The following MARCHF7 variants were observed in gnomAD, a reference collection of about 807,000 sequenced individuals.
MARCHF7 encodes E3 ubiquitin-protein ligase MARCHF7.
A neutral mutation model predicts 76.5 loss-of-function variants in MARCHF7; 20 were observed. That is an observed-to-expected ratio of 0.26 (90% CI 0.18 to 0.38). The LOEUF is 0.38. Ranked by LOEUF, MARCHF7 falls within the 10% of genes least tolerant of loss-of-function variation. MARCHF7 has a pLI of 1.00. For missense variants in MARCHF7, 797 were observed against 812.9 expected, an observed-to-expected ratio of 0.98 and a Z score of 0.24; for synonymous variants, 295 against 293.0, an observed-to-expected ratio of 1.01 and a Z score of -0.07.
At chr2:159,761,053 G>T (rs1319384926) in intron 9 of MARCHF7, among the ~76,000 whole-genome samples, 1 of 147,514 alleles carries the variant, frequency 6.8e-6, no homozygotes, top group Non-Finnish European at 1.5e-5. Context: ...TTGAGATGGA[G>T]CCTTCCTTGT....
Position 159,769,380 on chromosome 2 carries a change from C to G in MARCHF7, c.*2038C>G, listed in dbSNP as rs1180696402. On this transcript the variant is annotated 3_prime_UTR_variant, in exon 12 of 12. Coordinates refer to ENST00000409175, the MANE Select transcript of MARCHF7 (RefSeq NM_001282805.2). The stretch of plus-strand genomic sequence containing the variant: ...AATGTAGGCCAAGTGTGGTGGCTCA[C>G]GCATGTAATCCCAGCACTTTGGGAG... 1 of 152,174 alleles carries G rather than the reference C, an allele frequency of 6.6e-6. No homozygotes were observed. The highest frequency in any genetic ancestry group is 2.4e-5 in the African/African-American group (1 of 41,408). The allele number at this position is 152,174 out of a possible 1,614,324, so 9.4% of individuals were successfully genotyped here. A position where few individuals can be genotyped will look rare whatever the true frequency, so the allele number is the denominator to read the frequency against.
chr2:159,752,393 C>G lies in MARCHF7; in HGVS notation c.1614-9C>G. 1 of 1,565,436 alleles carries G rather than the reference C, an allele frequency of 6.4e-7. No individual in the cohort carries two copies. The highest frequency in any genetic ancestry group is 8.6e-7 in the Non-Finnish European group (1 of 1,157,360). On this transcript the variant is annotated splice_polypyrimidine_tract_variant and intron_variant, in intron 7 of 11. Transcript: ENST00000409175. The stretch of plus-strand genomic sequence containing the variant: ...ATGATAGCTTTGGGAAATGTGCCTT[C>G]TTTTCCAGCCTCCTTTTAGAGGACT...
intron 8 of MARCHF7, among the ~76,000 whole-genome samples, chr2:159,753,747 G>T (rs1364856605): frequency 6.6e-6 from 1 of 152,186 alleles, no homozygotes; most frequent in Non-Finnish European, 1.5e-5. Flanking sequence ...GACGAACCAG[G>T]AGTCTATTAT....
At chr2:159,714,236 G>C (rs1700751350) in intron 1 of MARCHF7, among the ~76,000 whole-genome samples, 1 of 152,166 alleles carries the variant, frequency 6.6e-6, no homozygotes, top group Non-Finnish European at 1.5e-5. Flanking sequence ...TGCAAAATCT[G>C]TCAAATATCT....
intron 3 of MARCHF7, among the ~76,000 whole-genome samples, chr2:159,721,141 A>G (rs1701600152): frequency 1.3e-5 from 2 of 151,994 alleles, no homozygotes; most frequent in South Asian, 4.1e-4. Context: ...CTGGTATTAC[A>G]GGCATGAGCC....
At chr2:159,737,350 A>C (rs567729480) in intron 4 of MARCHF7, among the ~76,000 whole-genome samples, 3 of 152,352 alleles carry the variant, frequency 2.0e-5, no homozygotes, top group African/African-American at 7.2e-5. Context: ...CCCAATTTCA[A>C]ATGGGCAAAG....
At chr2:159,713,568 A>T (rs538822250) in intron 1 of MARCHF7, among the ~76,000 whole-genome samples, 1 of 152,328 alleles carries the variant, frequency 6.6e-6, no homozygotes, top group East Asian at 1.9e-4. Flanking sequence ...CAGAACCAAG[A>T]TGTAGGATTA....
chr2:159,746,021 G>GC, intron 6 of MARCHF7, 84 bp downstream of exon 6: 2 of 1,055,746 alleles, frequency 1.9e-6, no homozygotes, highest in South Asian at 3.1e-5. Context: ...CAGTACAAAG[G>GC]AGTAAAGTGT....
chr2:159,729,678 A>AC (rs533751049), intron 4 of MARCHF7, among the ~76,000 whole-genome samples: 23 of 152,086 alleles, frequency 1.5e-4, no homozygotes, highest in African/African-American at 5.1e-4. Flanking sequence ...ATCTCAAAAA[A>AC]AAAAAAATGC....
rs570287737 is a variant in MARCHF7, at chr2:159,745,598, G to A, written c.347-172G>A. On this transcript the variant is annotated intron_variant, in intron 5 of 11. Transcript: ENST00000409175. ...TTGAACCCAGAAGGTGGAGGTTGCTGTGAGCTGAGATCGTGCCACTACACT... is the reference window on the plus strand; with the variant it reads ...TTGAACCCAGAAGGTGGAGGTTGCTATGAGCTGAGATCGTGCCACTACACT... Among the ~76,000 whole-genome samples, 13 of 152,324 alleles carry A rather than the reference G, an allele frequency of 8.5e-5. No individual in the cohort carries two copies. The South Asian group carries it at 2.3e-3, about 27-fold the overall frequency.
chr2:159,717,454 A>G (rs1330034028), intron 3 of MARCHF7, among the ~76,000 whole-genome samples: 1 of 152,178 alleles, frequency 6.6e-6, no homozygotes, highest in Non-Finnish European at 1.5e-5. Flanking sequence ...TGAAGACTTG[A>G]TTGGTACATG....
intron 9 of MARCHF7, 151 bp downstream of exon 9, chr2:159,759,486 G>A: frequency 2.5e-6 from 1 of 396,352 alleles, no homozygotes; most frequent in African/African-American, 2.1e-5. Flanking sequence ...TACTGCATTA[G>A]GTGTTAGAAT....
intron 3 of MARCHF7, among the ~76,000 whole-genome samples, chr2:159,721,117 G>A (rs1344440471): frequency 1.3e-5 from 2 of 150,850 alleles, no homozygotes; most frequent in Non-Finnish European, 2.9e-5. Context: ...CACCCTCCTC[G>A]GCTTTCCAAG....
intron 6 of MARCHF7, among the ~76,000 whole-genome samples, chr2:159,746,598 A>T (rs1004865702): frequency 6.6e-6 from 1 of 152,166 alleles, no homozygotes; most frequent in Non-Finnish European, 1.5e-5. Flanking sequence ...ACTGGGTTTC[A>T]CCATGTTGGC....
intron 4 of MARCHF7, among the ~76,000 whole-genome samples, chr2:159,731,065 GT>G (rs1702729562): frequency 6.6e-6 from 1 of 151,966 alleles, no homozygotes; most frequent in Non-Finnish European, 1.5e-5. Context: ...GCTAATTTTT[GT>G]GTTTTTTTGA....
rs1553788977 is a variant in MARCHF7 at position 159,767,485 on chromosome 2, G to GTA, written c.*153_*154dup. ...AATATATACATACACATGTATGCCT[G>GTA]TATATATATATTCATTCTCCAGTGT... On this transcript the variant is annotated 3_prime_UTR_variant, in exon 12 of 12. Transcript: ENST00000409175. 4.5e-5 allele frequency: 23 copies of GTA among 509,192 alleles called. No homozygotes were observed. The highest frequency in any genetic ancestry group is 6.5e-5 in the Non-Finnish European group (19 of 291,680). 31.5% of individuals were successfully genotyped at this position (509,192 alleles called of 1,614,324 possible).
chr2:159,746,264 C>T (rs1195787828), intron 6 of MARCHF7, among the ~76,000 whole-genome samples: 1 of 152,200 alleles, frequency 6.6e-6, no homozygotes, highest in African/African-American at 2.4e-5. Flanking sequence ...TAATAAATAA[C>T]TACTTCTGAT....
intron 4 of MARCHF7, among the ~76,000 whole-genome samples, chr2:159,739,415 T>TA (rs1703863734): frequency 1.3e-5 from 2 of 152,250 alleles, no homozygotes. Flanking sequence ...ATCTATCAGT[T>TA]ACACCCAAGA....
At chr2:159,757,057 CT>C in intron 8 of MARCHF7, among the ~76,000 whole-genome samples, 1 of 152,174 alleles carries the variant, frequency 6.6e-6, no homozygotes, top group Non-Finnish European at 1.5e-5. Flanking sequence ...CCACCCCTGG[CT>C]AATTTTTTGT....
Sources: allele counts gnomAD v4.1 joint callset (sites outside exome capture counted in the v4.1 genomes callset), GRCh38; gene constraint gnomAD v4.1.1; transcripts MANE v1.5; gene names NCBI Gene and HGNC (gene_info 2026-07-23, HGNC 2026-07-21).